Variants in SHLD1 observed in about 807,000 individuals in gnomAD.
SHLD1 encodes the protein RINN1-REV7-interacting novel NHEJ regulator 3.
SHLD1 carries 3 observed loss-of-function variants against 5.5 expected under a neutral mutation model. The observed-to-expected ratio is 0.54, with a 90% CI of 0.25 to 1.40. The LOEUF (loss-of-function observed/expected upper bound fraction) is 1.40. SHLD1 is among the 40% of genes most tolerant of loss of function. The pLI is 0.15. For synonymous variants in SHLD1, 92 were observed against 94.3 expected, an observed-to-expected ratio of 0.98 and a Z score of 0.14; for missense variants, 210 against 244.4, an observed-to-expected ratio of 0.86 and a Z score of 0.94.
intron 2 of SHLD1, among the ~76,000 whole-genome samples, chr20:5,778,178 G>A (rs1415986077): frequency 8.1e-5 from 12 of 147,494 alleles, no homozygotes; most frequent in South Asian, 2.1e-4. Flanking sequence ...GTGCAGTGGC[G>A]CGATCTCGGC....
intron 2 of SHLD1, among the ~76,000 whole-genome samples, chr20:5,774,260 A>G (rs1281580923): frequency 6.6e-6 from 1 of 152,174 alleles, no homozygotes; most frequent in Non-Finnish European, 1.5e-5. Flanking sequence ...ATATATTTTT[A>G]GAAAGAACTC....
chr20:5,843,776 A>G (rs1396973738), intron 2 of SHLD1, among the ~76,000 whole-genome samples: 1 of 152,192 alleles, frequency 6.6e-6, no homozygotes, highest in African/African-American at 2.4e-5. Context: ...CTTGTCTACC[A>G]TATTCTTTTG....
chr20:5,835,955 A>G (rs1329120335), intron 2 of SHLD1, among the ~76,000 whole-genome samples: 2 of 152,206 alleles, frequency 1.3e-5, no homozygotes, highest in East Asian at 1.9e-4. Context: ...TCATGCCTCA[A>G]TCTACTAACA....
At position 5,863,642 on chromosome 20, in the gene SHLD1, G is replaced by C. The variant is rs1210665276; in HGVS notation, c.*179G>C. On this transcript the variant is annotated 3_prime_UTR_variant, in exon 3 of 3. Transcript: ENST00000303142. ...GTATTGGAGCCAGTCAGCCCATATG[G>C]AGAGCCAGCAGGGTCTGGGAGTTCT... The C allele has an allele frequency of 4.9e-6, 3 of 614,036 alleles. No homozygotes were observed. Among genetic ancestry groups the C allele is most frequent in the South Asian group, 4.7e-5 (2 of 42,150 alleles). The allele number at this position is 614,036 out of a possible 1,614,324, so 38.0% of individuals were successfully genotyped here. A position where few individuals can be genotyped will look rare whatever the true frequency, so the allele number is the denominator to read the frequency against.
chr20:5,833,796 A>G (rs772359056), intron 2 of SHLD1, among the ~76,000 whole-genome samples: 2 of 133,698 alleles, frequency 1.5e-5, no homozygotes, highest in African/African-American at 5.7e-5. Flanking sequence ...AGAAAAAGAG[A>G]GAGAAAGAGA....
chr20:5,764,527 C>A (rs1316369025), intron 1 of SHLD1, among the ~76,000 whole-genome samples: 178 of 110,982 alleles, frequency 1.6e-3, no homozygotes, highest in Admixed American at 1.7e-3. Flanking sequence ...GACCTTGTCT[C>A]AAAAAAAAAA....
At chr20:5,757,282 G>A (rs1414923830) in intron 1 of SHLD1, among the ~76,000 whole-genome samples, 1 of 151,786 alleles carries the variant, frequency 6.6e-6, no homozygotes, top group Non-Finnish European at 1.5e-5. Context: ...TTACCATGTT[G>A]GCCAGGCTGG....
chr20:5,857,346 C>T (rs1049937764), intron 2 of SHLD1, among the ~76,000 whole-genome samples: 10 of 152,188 alleles, frequency 6.6e-5, no homozygotes, highest in Middle Eastern at 3.4e-3. Context: ...CCACACAAGC[C>T]CAGGGAGCCT....
At position 5,836,404 on chromosome 20, in the gene SHLD1, T is replaced by C. The variant is rs139454359; in HGVS notation, c.179-26620T>C. Reference sequence around the variant, plus strand: ...ATCATGGAATATTTTAATATTTGGCTTTTTAATGTCCCTGACCAGGTCTGT... The same window carrying C: ...ATCATGGAATATTTTAATATTTGGCCTTTTAATGTCCCTGACCAGGTCTGT... On this transcript the variant is annotated intron_variant, in intron 2 of 2. Transcript: ENST00000303142. Among the ~76,000 whole-genome samples, 328 of 152,118 alleles carry C rather than the reference T, an allele frequency of 2.2e-3. 4 individuals carry two copies. Among genetic ancestry groups the C allele is most frequent in the African/African-American group, 7.5e-3 (311 of 41,366 alleles).
intron 1 of SHLD1, among the ~76,000 whole-genome samples, chr20:5,752,766 C>A (rs969249176): frequency 6.6e-6 from 1 of 151,694 alleles, no homozygotes; most frequent in African/African-American, 2.4e-5. Context: ...CAGGTGTGCA[C>A]CACCACACCT....
At chr20:5,797,841 T>C (rs891330230) in intron 2 of SHLD1, among the ~76,000 whole-genome samples, 2 of 152,208 alleles carry the variant, frequency 1.3e-5, no homozygotes, top group African/African-American at 4.8e-5. Context: ...TGTTCACTAT[T>C]TCCTGGGCTA....
chr20:5,852,935 G>A (rs2088030969), intron 2 of SHLD1, among the ~76,000 whole-genome samples: 1 of 152,218 alleles, frequency 6.6e-6, no homozygotes, highest in African/African-American at 2.4e-5. Flanking sequence ...TCATTCAGAA[G>A]TGGTTACCTT....
At chr20:5,823,134 C>T (rs1262645118) in intron 2 of SHLD1, among the ~76,000 whole-genome samples, 1 of 152,006 alleles carries the variant, frequency 6.6e-6, no homozygotes. Flanking sequence ...CTGTTGATCC[C>T]CCCCTTCCCG....
At chr20:5,755,569 T>TC (rs1410640682) in intron 1 of SHLD1, among the ~76,000 whole-genome samples, 2 of 152,024 alleles carry the variant, frequency 1.3e-5, no homozygotes, top group South Asian at 4.1e-4. Context: ...CTTTTTCTTT[T>TC]TTTTTTTGAG....
In SHLD1 at chr20:5,837,639, A is replaced by G. The variant is rs781427466; in HGVS notation, c.179-25385A>G. Among the ~76,000 whole-genome samples, 15 of 152,310 alleles carry G rather than the reference A, an allele frequency of 9.8e-5. No homozygotes were observed. In the South Asian group the frequency reaches 3.1e-3, roughly 32 times the overall value. Reference sequence around the variant, plus strand: ...TTCTATCCATGTCCCTGCAAAGGACATGATCTCGTTCCTTTTTATGGCTGC... The same window carrying G: ...TTCTATCCATGTCCCTGCAAAGGACGTGATCTCGTTCCTTTTTATGGCTGC... On this transcript the variant is annotated intron_variant, in intron 2 of 2. Coordinates refer to ENST00000303142, the MANE Select transcript of SHLD1 (RefSeq NM_152504.4).
intron 1 of SHLD1, among the ~76,000 whole-genome samples, chr20:5,764,833 A>T (rs953450958): frequency 2.0e-5 from 3 of 152,194 alleles, no homozygotes; most frequent in African/African-American, 4.8e-5. Flanking sequence ...GAAACTTTTC[A>T]TGCAAAATAT....
intron 2 of SHLD1, among the ~76,000 whole-genome samples, chr20:5,819,219 G>C (rs1294705): frequency 0.58 from 87,569 of 151,748 alleles, 27,250 homozygotes; most frequent in Non-Finnish European, 0.7. Flanking sequence ...GTTCCCCCTA[G>C]TGGAACTAAG....
At chr20:5,857,418 A>T (rs2088102930) in intron 2 of SHLD1, among the ~76,000 whole-genome samples, 1 of 152,130 alleles carries the variant, frequency 6.6e-6, no homozygotes, top group African/African-American at 2.4e-5. Context: ...CAGGGCCCTG[A>T]AAAAGGGACA....
intron 2 of SHLD1, among the ~76,000 whole-genome samples, chr20:5,843,469 G>T (rs1323812832): frequency 6.6e-6 from 1 of 151,692 alleles, no homozygotes; most frequent in Admixed American, 6.6e-5. Flanking sequence ...TTTCTCTGGT[G>T]GCGTAACTTC....
Sources: allele counts gnomAD v4.1 joint callset (sites outside exome capture counted in the v4.1 genomes callset), GRCh38; gene constraint gnomAD v4.1.1; transcripts MANE v1.5; gene names NCBI Gene and HGNC (gene_info 2026-07-23, HGNC 2026-07-21).